CHST8: variants seen among roughly 807,000 people sequenced by gnomAD.
CHST8 encodes the protein carbohydrate sulfotransferase 8.
In CHST8, 10 loss-of-function variants were observed where a neutral mutation model predicts 15.0. The ratio of observed to expected loss-of-function variants is 0.67; its 90% CI spans 0.41 to 1.13. CHST8 has a LOEUF of 1.13. Ranked by LOEUF, CHST8 falls within the 50% of genes most tolerant of loss-of-function variation. The pLI is 0.00. For missense variants in CHST8, 634 were observed against 608.2 expected (o/e 1.04, Z -0.45); for synonymous variants, 259 against 256.6 (o/e 1.01, Z -0.09).
At chr19:33,676,525 G>A (rs922758602) in intron 2 of CHST8, among the ~76,000 whole-genome samples, 11 of 150,564 alleles carry the variant, frequency 7.3e-5, no homozygotes, top group Non-Finnish European at 1.3e-4. Context: ...AGCCAAGGTC[G>A]TGCCACTGCA....
chr19:33,652,127 G>A (rs1385715280), intron 1 of CHST8, among the ~76,000 whole-genome samples: 1 of 152,036 alleles, frequency 6.6e-6, no homozygotes, highest in African/African-American at 2.4e-5. Context: ...TGCCTTCCTA[G>A]TGAATTATTT....
At chr19:33,714,308 T>C (rs1170200817) in intron 3 of CHST8, among the ~76,000 whole-genome samples, 1 of 151,724 alleles carries the variant, frequency 6.6e-6, no homozygotes, top group African/African-American at 2.4e-5. Context: ...TACCATGGAA[T>C]ACTATGCAGC....
chr19:33,768,981 C>A (rs1338295960), intron 3 of CHST8, among the ~76,000 whole-genome samples: 1 of 152,248 alleles, frequency 6.6e-6, no homozygotes, highest in African/African-American at 2.4e-5. Flanking sequence ...GAGACTCGCC[C>A]AGCCCCAGGC....
At chr19:33,627,413 T>G (rs1972070152) in intron 1 of CHST8, among the ~76,000 whole-genome samples, 1 of 152,052 alleles carries the variant, frequency 6.6e-6, no homozygotes, top group Non-Finnish European at 1.5e-5. Flanking sequence ...CGCCCGACCC[T>G]TTTTCTTTAT....
intron 3 of CHST8, among the ~76,000 whole-genome samples, chr19:33,760,791 T>A (rs948002473): frequency 2.0e-5 from 3 of 152,114 alleles, no homozygotes; most frequent in African/African-American, 7.2e-5. Flanking sequence ...CTAGCTAACA[T>A]GTCAACTGTC....
At chr19:33,703,825 TAGTGGAAGTC>T (rs1973390810) in intron 3 of CHST8, among the ~76,000 whole-genome samples, 1 of 152,264 alleles carries the variant, frequency 6.6e-6, no homozygotes, top group Non-Finnish European at 1.5e-5. Flanking sequence ...ACTTGAATCA[TAGTGGAAGTC>T]AGTGGAAGAT....
At chr19:33,667,566 T>C (rs1972679720) in intron 1 of CHST8, among the ~76,000 whole-genome samples, 1 of 152,158 alleles carries the variant, frequency 6.6e-6, no homozygotes, top group South Asian at 2.1e-4. Context: ...TGTTCTTGTC[T>C]GTTTTGCGAG....
At chr19:33,738,220 G>C (rs2145335756) in intron 3 of CHST8, among the ~76,000 whole-genome samples, 1 of 152,286 alleles carries the variant, frequency 6.6e-6, no homozygotes, top group African/African-American at 2.4e-5. Flanking sequence ...GACTGGCTGA[G>C]CTAAAAGGCC....
intron 3 of CHST8, among the ~76,000 whole-genome samples, chr19:33,698,137 C>A (rs1299553068): frequency 3.9e-5 from 6 of 152,120 alleles, no homozygotes. Flanking sequence ...ATAAGCCGGG[C>A]GTGATGGCAT....
chr19:33,690,090 C>G (rs1386437128), intron 3 of CHST8, among the ~76,000 whole-genome samples: 1 of 152,148 alleles, frequency 6.6e-6, no homozygotes, highest in Admixed American at 6.5e-5. Flanking sequence ...GACAGGAGGT[C>G]AGCTGGCAGG....
At chr19:33,672,389 G>A (rs1167936844) in intron 2 of CHST8, among the ~76,000 whole-genome samples, 2 of 151,986 alleles carry the variant, frequency 1.3e-5, no homozygotes, top group Non-Finnish European at 2.9e-5. Context: ...GTAGAGATGG[G>A]GTATCACCAT....
chr19:33,752,290 G>A (rs752491610), intron 3 of CHST8, among the ~76,000 whole-genome samples: 2 of 152,118 alleles, frequency 1.3e-5, no homozygotes, highest in South Asian at 2.1e-4. Flanking sequence ...CTCATTACTC[G>A]ACCCACGCGT....
At chr19:33,632,305 A>G (rs746643036) in intron 1 of CHST8, among the ~76,000 whole-genome samples, 2 of 151,798 alleles carry the variant, frequency 1.3e-5, no homozygotes, top group African/African-American at 2.4e-5. Context: ...ATGCCTGGCT[A>G]TTGTTGTTTG....
At position 33,722,099 on chromosome 19, in the gene CHST8, GGATGGATGGAT is replaced by G. The variant is rs1363269048; in HGVS notation, c.130+32711_130+32721del. Among the ~76,000 whole-genome samples, 103 of 150,568 alleles carry G rather than the reference GGATGGATGGAT, an allele frequency of 6.8e-4. 2 individuals are homozygous for G. Among genetic ancestry groups the G allele is most frequent in the African/African-American group, 2.4e-3 (96 of 40,498 alleles). ...TGGATGGATGGATGGATGGATGGAT[GGATGGATGGAT>G]GAAGGGATGGATGGATAGATGAATG... On this transcript the variant is annotated intron_variant, in intron 3 of 4. Coordinates refer to ENST00000650847, the MANE Select transcript of CHST8 (RefSeq NM_001127895.2).
Position 33,680,628 on chromosome 19 carries a change from C to T in CHST8, c.-86-8548C>T, listed in dbSNP as rs1042430897. Among the ~76,000 whole-genome samples, 8 of 152,148 alleles carry T rather than the reference C, an allele frequency of 5.3e-5. No homozygotes were observed. The East Asian group carries it at 9.6e-4, about 18-fold the overall frequency. On this transcript the variant is annotated intron_variant, in intron 2 of 4. Coordinates refer to ENST00000650847, the MANE Select transcript of CHST8 (RefSeq NM_001127895.2). ...AATTCAATATTGTTTTAGTCCAAAT[C>T]GATATTAATAATTGTTTGCATTTTT...
intron 3 of CHST8, among the ~76,000 whole-genome samples, chr19:33,696,628 C>G (rs889711543): frequency 1.3e-5 from 2 of 151,992 alleles, no homozygotes; most frequent in East Asian, 3.9e-4. Context: ...TGAACCACCT[C>G]GAAACCACCA....
chr19:33,697,981 A>T (rs963261375), intron 3 of CHST8, among the ~76,000 whole-genome samples: 2 of 152,160 alleles, frequency 1.3e-5, no homozygotes, highest in African/African-American at 2.4e-5. Context: ...GTGGTGCATC[A>T]GAAAGCTCAT....
At chr19:33,628,833 C>T (rs2145434036) in intron 1 of CHST8, among the ~76,000 whole-genome samples, 1 of 152,234 alleles carries the variant, frequency 6.6e-6, no homozygotes, top group Non-Finnish European at 1.5e-5. Context: ...AAGGAGTGGT[C>T]AGGATGGTTA....
intron 3 of CHST8, among the ~76,000 whole-genome samples, chr19:33,721,851 GGATGGATGGATGGACA>G (rs928050724): frequency 2.6e-5 from 4 of 151,242 alleles, no homozygotes; most frequent in Non-Finnish European, 5.9e-5. Context: ...AGGGATGGAT[GGATGGATGGATGGACA>G]GATGGATGGA....
Sources: gnomAD v4.1 joint callset for allele counts (sites outside exome capture counted in the v4.1 genomes callset) on GRCh38, gnomAD v4.1.1 for gene constraint, MANE v1.5 for transcripts, NCBI Gene and HGNC (gene_info 2026-07-23, HGNC 2026-07-21) for gene names.